REPS2: variants seen among roughly 807,000 people sequenced by gnomAD.
REPS2 encodes ralBP1-associated Eps domain-containing protein 2.
Under a neutral mutation model 53.6 loss-of-function variants are expected in REPS2, and 23 were observed. The observed-to-expected ratio is 0.43, with a 90% CI of 0.31 to 0.61. REPS2 has a LOEUF of 0.61. REPS2 is among the 20% of genes least tolerant of loss of function. REPS2 has a pLI of 0.11. For missense variants in REPS2, 446 were observed against 534.9 expected (o/e 0.83, Z 1.64); for synonymous variants, 238 against 218.6 (o/e 1.09, Z -0.78).
chrX:17,044,611 C>T (rs764414129), intron 5 of REPS2: 6 of 111,773 alleles, frequency 5.4e-5, no homozygotes, highest in African/African-American at 1.6e-4. Context: ...GCCACCAAAT[C>T]GTTGGCTCAT....
chrX:17,049,347 T>G (rs1251072607), intron 6 of REPS2, among the ~76,000 whole-genome samples: 1 of 112,070 alleles, frequency 8.9e-6, no homozygotes, highest in Non-Finnish European at 1.9e-5. Context: ...CTGCAGGTTA[T>G]TGTCCTCTTC....
At chrX:17,045,211 G>A (rs1436446802) in intron 5 of REPS2, among the ~76,000 whole-genome samples, 2 of 110,748 alleles carry the variant, frequency 1.8e-5, no homozygotes, top group African/African-American at 3.3e-5. Context: ...GGGATTACAC[G>A]TGTGAACCAC....
intron 5 of REPS2, among the ~76,000 whole-genome samples, chrX:17,046,720 A>G (rs1474625066): frequency 9.0e-6 from 1 of 111,600 alleles, no homozygotes; most frequent in Non-Finnish European, 1.9e-5. Context: ...GGTCTGATGC[A>G]CCCCTTGTTA....
the REPS2 span, among the ~76,000 whole-genome samples, chrX:17,194,333 C>G: frequency 9.0e-6 from 1 of 111,142 alleles, no homozygotes; most frequent in Admixed American, 9.6e-5. Context: ...CTCAGATGTC[C>G]TTCTACAGGT....
chrX:17,122,268 AGTTTGACTT>A (rs2063151355), intron 14 of REPS2, among the ~76,000 whole-genome samples: 1 of 111,415 alleles, frequency 9.0e-6, no homozygotes, highest in Non-Finnish European at 1.9e-5. Flanking sequence ...AGCATAAATT[AGTTTGACTT>A]GTGTTCTACT....
At chrX:16,961,526 A>T (rs1169677497) in intron 1 of REPS2, among the ~76,000 whole-genome samples, 1 of 111,944 alleles carries the variant, frequency 8.9e-6, no homozygotes. Context: ...TAATAACTCA[A>T]ACCATTGAAC....
intron 14 of REPS2, among the ~76,000 whole-genome samples, chrX:17,109,092 TG>T (rs899552086): frequency 1.8e-5 from 2 of 110,557 alleles, no homozygotes; most frequent in South Asian, 3.9e-4. Context: ...GTTCTGGAAG[TG>T]GCCATGGGGA....
chrX:17,094,026 C>T (rs774150744), intron 13 of REPS2, among the ~76,000 whole-genome samples: 2 of 111,714 alleles, frequency 1.8e-5, no homozygotes, highest in African/African-American at 6.5e-5. Flanking sequence ...CCAAGGATTC[C>T]CTTCCTCTTT....
At chrX:17,032,346 C>T (rs1049578949) in intron 5 of REPS2, among the ~76,000 whole-genome samples, 1 of 112,068 alleles carries the variant, frequency 8.9e-6, no homozygotes, top group African/African-American at 3.2e-5. Context: ...CAAATGACTT[C>T]GAATGGATTT....
the REPS2 span, among the ~76,000 whole-genome samples, chrX:17,178,261 G>C: frequency 8.9e-6 from 1 of 112,086 alleles, no homozygotes; most frequent in Non-Finnish European, 1.9e-5. Flanking sequence ...GGCTTTGTCT[G>C]ACCATGTAAC....
intron 1 of REPS2, among the ~76,000 whole-genome samples, chrX:16,970,449 C>T (rs2060874027): frequency 8.9e-6 from 1 of 111,899 alleles, no homozygotes; most frequent in Non-Finnish European, 1.9e-5. Context: ...CTGCCTGCCT[C>T]GGCCTCCTGA....
chrX:17,132,481 A>G (rs1381100961), intron 14 of REPS2, among the ~76,000 whole-genome samples: 1 of 112,860 alleles, frequency 8.9e-6, no homozygotes, highest in Non-Finnish European at 1.9e-5. Context: ...GATGTCTTTA[A>G]AACTAGAAGG....
chrX:16,997,856 A>G (rs2061250599), intron 1 of REPS2, among the ~76,000 whole-genome samples: 1 of 111,995 alleles, frequency 8.9e-6, no homozygotes, highest in African/African-American at 3.2e-5. Context: ...TAGTCTGAGT[A>G]TAGAATTTCT....
chrX:17,103,889 A>G (rs1393047315), intron 14 of REPS2, 110 bp downstream of exon 14: 9 of 688,311 alleles, frequency 1.3e-5, no homozygotes, highest in Non-Finnish European at 1.8e-5. Flanking sequence ...TGAGATTCCC[A>G]AGCTGATACC....
intron 13 of REPS2, among the ~76,000 whole-genome samples, chrX:17,086,059 G>A (rs1234283614): frequency 9.0e-6 from 1 of 110,995 alleles, no homozygotes; most frequent in African/African-American, 3.3e-5. Context: ...TTAACTGATA[G>A]GTTCTTCTCT....
chrX:17,047,423 G>A lies in REPS2; in HGVS notation c.848G>A (p.Arg283His), dbSNP rs772163094. ...CCCTGGAGGATAACAGAAGAACAGC[G>A]CGAGTACTATGTCAATCAGTTCCGA... ...DEPWRITEEQ[R>H]EYYVNQFRSL... Residue 283 changes from arginine (R) to histidine (H), a missense_variant, in exon 6 of 18, where the codon CGC becomes CAC. Arg to His is a conservative substitution (Grantham distance 29). Transcript: ENST00000357277. 7.2e-5 allele frequency: 87 copies of A among 1,209,017 alleles called. No individual in the cohort carries two copies. Among genetic ancestry groups the A allele is most frequent in the Admixed American group, 8.8e-5 (4 of 45,510 alleles).
intron 1 of REPS2, among the ~76,000 whole-genome samples, chrX:16,972,866 A>G (rs766891104): frequency 2.7e-5 from 3 of 111,676 alleles, no homozygotes; most frequent in Non-Finnish European, 3.8e-5. Context: ...AACATTTTAT[A>G]TAAAGGATCA....
intron 5 of REPS2, among the ~76,000 whole-genome samples, chrX:17,037,237 C>G (rs1026979808): frequency 1.8e-5 from 2 of 111,695 alleles, no homozygotes; most frequent in African/African-American, 6.5e-5. Context: ...TCAACTGATA[C>G]TGAAGTTTAT....
intron 8 of REPS2, among the ~76,000 whole-genome samples, chrX:17,056,781 A>G (rs1392716976): frequency 8.9e-6 from 1 of 112,064 alleles, no homozygotes; most frequent in Admixed American, 9.4e-5. Flanking sequence ...TTGTATATGT[A>G]TACACCCATG....
Sources: gnomAD v4.1 joint callset for allele counts (sites outside exome capture counted in the v4.1 genomes callset) on GRCh38, gnomAD v4.1.1 for gene constraint, MANE v1.5 for transcripts, NCBI Gene and HGNC (gene_info 2026-07-23, HGNC 2026-07-21) for gene names.